The following SREBF2 variants were observed in gnomAD, a reference collection of about 807,000 sequenced individuals.
SREBF2 encodes the protein sterol regulatory element binding transcription factor 2, also known as sterol regulatory element-binding protein 2.
Under a neutral mutation model 113.1 loss-of-function variants are expected in SREBF2, and 55 were observed. That is an observed-to-expected ratio of 0.49 (90% confidence interval 0.39 to 0.61). SREBF2 has a LOEUF of 0.61. Among genes scored for constraint, SREBF2 ranks in the 20% least tolerant of loss-of-function variants. SREBF2 has a pLI of 0.00. For synonymous variants in SREBF2, 593 were observed against 605.7 expected, an observed-to-expected ratio of 0.98 and a Z score of 0.31; for missense variants, 1,349 against 1,487.4, an observed-to-expected ratio of 0.91 and a Z score of 1.53.
At chr22:41,895,770 G>T (rs1166156568) in intron 13 of SREBF2, among the ~76,000 whole-genome samples, 1 of 151,980 alleles carries the variant, frequency 6.6e-6, no homozygotes, top group Non-Finnish European at 1.5e-5. Context: ...TTTACCAAGC[G>T]GAGTCAGTAC....
In SREBF2 at chr22:41,900,192, C is replaced by T; in HGVS notation, c.2739-138C>T. The T allele has an allele frequency of 3.3e-6, 5 of 1,525,778 alleles. No homozygotes were observed. The South Asian group carries it at 6.0e-5, about 18-fold the overall frequency. 94.5% of individuals were successfully genotyped at this position (1,525,778 alleles called of 1,614,324 possible). On this transcript the variant is annotated intron_variant, in intron 15 of 18. Coordinates refer to ENST00000361204, the MANE Select transcript of SREBF2 (RefSeq NM_004599.4). ...CAGATCTGGAGCTGGTGGCATGGTGCCATAGTGGCAGCATTGGAGTCAACA... is the reference window on the plus strand; with the variant it reads ...CAGATCTGGAGCTGGTGGCATGGTGTCATAGTGGCAGCATTGGAGTCAACA...
intron 11 of SREBF2, among the ~76,000 whole-genome samples, chr22:41,889,810 G>C (rs144251645): frequency 0.025 from 3,786 of 151,996 alleles, 151 homozygotes; most frequent in African/African-American, 0.086. Context: ...AGACCAGCCT[G>C]GCCAACATGA....
intron 1 of SREBF2, among the ~76,000 whole-genome samples, chr22:41,864,326 T>A (rs542437194): frequency 0.16 from 19,592 of 120,186 alleles, 2,455 homozygotes; most frequent in Admixed American, 0.31. Context: ...TATATATATT[T>A]TTTTTTTTTT....
intron 1 of SREBF2, among the ~76,000 whole-genome samples, chr22:41,851,172 C>T (rs1352824870): frequency 1.4e-4 from 22 of 152,090 alleles, no homozygotes; most frequent in Admixed American, 1.4e-3. Flanking sequence ...AGTAATATTA[C>T]CTTCTGTACT....
chr22:41,855,172 G>T (rs572881899), intron 1 of SREBF2, among the ~76,000 whole-genome samples: 45 of 152,056 alleles, frequency 3.0e-4, no homozygotes, highest in Non-Finnish European at 6.5e-4. Context: ...AAAGGAGACT[G>T]CAAGAAACTG....
rs760740664 is a variant in SREBF2 at position 41,868,805 on chromosome 22, A to T, written c.720+13A>T. On this transcript the variant is annotated intron_variant, in intron 3 of 18. Coordinates refer to ENST00000361204, the MANE Select transcript of SREBF2 (RefSeq NM_004599.4). ...GCAGCAGGTCCCGGTAAGTGGCTGG[A>T]AAGGATTCAGGGAGGCACTGGTTGG... is the stretch of plus-strand genomic sequence containing the variant. 4 of 1,599,440 alleles carry T rather than the reference A, an allele frequency of 2.5e-6. No individual in the cohort carries two copies. The highest frequency in any genetic ancestry group is 3.4e-6 in the Non-Finnish European group (4 of 1,173,308).
chr22:41,891,298 C>G (rs369341053), intron 11 of SREBF2: 2 of 152,122 alleles, frequency 1.3e-5, no homozygotes, highest in Non-Finnish European at 2.9e-5. Flanking sequence ...GGCAGAGGGT[C>G]GCGAGGGTCC....
intron 13 of SREBF2, 143 bp from the exon 14 acceptor site, chr22:41,896,905 TAGAC>T (rs1260978983): frequency 6.3e-6 from 4 of 638,688 alleles, no homozygotes; most frequent in East Asian, 3.1e-5. Flanking sequence ...AGGGTACACA[TAGAC>T]AGCGCTTGCG....
intron 13 of SREBF2, 66 bp downstream of exon 13, chr22:41,895,003 G>A (rs2077399786): frequency 2.3e-6 from 3 of 1,277,782 alleles, no homozygotes; most frequent in African/African-American, 1.5e-5. Context: ...AGGACAGCCT[G>A]AAGGCCTGCA....
chr22:41,889,701 TAAA>T (rs67272666), intron 11 of SREBF2, among the ~76,000 whole-genome samples: 6 of 139,026 alleles, frequency 4.3e-5, no homozygotes, highest in East Asian at 2.1e-4. Context: ...ATGTCTCTAT[TAAA>T]AAAAAAAAAA....
At chr22:41,893,407 T>C in intron 12 of SREBF2, 122 bp downstream of exon 12, 1 of 959,856 alleles carries the variant, frequency 1.0e-6, no homozygotes. Flanking sequence ...AGTCCGTTTG[T>C]TTGTTTGTTT....
At chr22:41,858,558 C>T (rs1488909682) in intron 1 of SREBF2, among the ~76,000 whole-genome samples, 5 of 152,044 alleles carry the variant, frequency 3.3e-5, no homozygotes, top group Admixed American at 3.3e-4. Context: ...GCCTGGGCAA[C>T]AAAGCAAGAC....
chr22:41,858,623 C>T (rs1014083660), intron 1 of SREBF2, among the ~76,000 whole-genome samples: 15 of 151,994 alleles, frequency 9.9e-5, no homozygotes, highest in Non-Finnish European at 1.9e-4. Context: ...TGGTGTGTGC[C>T]TGTACTCCCA....
chr22:41,883,590 A>C (rs774902603), intron 10 of SREBF2, among the ~76,000 whole-genome samples: 117 of 152,024 alleles, frequency 7.7e-4, no homozygotes, highest in Non-Finnish European at 1.3e-3. Context: ...TTCCATACTC[A>C]CTGGCATTCC....
intron 10 of SREBF2, 99 bp from the exon 11 acceptor site, chr22:41,884,743 C>A: frequency 3.0e-6 from 4 of 1,319,406 alleles, no homozygotes; most frequent in Non-Finnish European, 4.4e-6. Context: ...CCTCGCTTCT[C>A]CCCTGGTTCC....
chr22:41,838,026 A>G (rs1160018949), intron 1 of SREBF2, among the ~76,000 whole-genome samples: 1 of 152,210 alleles, frequency 6.6e-6, no homozygotes, highest in East Asian at 1.9e-4. Flanking sequence ...CAGGTTTCCC[A>G]TAATAGAGTA....
chr22:41,901,296 C>G (rs2077463832), intron 16 of SREBF2, among the ~76,000 whole-genome samples: 1 of 152,190 alleles, frequency 6.6e-6, no homozygotes, highest in South Asian at 2.1e-4. Context: ...TAGATATTGT[C>G]AGTGGACCTG....
chr22:41,890,093 T>G (rs1209152215), intron 11 of SREBF2, among the ~76,000 whole-genome samples: 1 of 152,214 alleles, frequency 6.6e-6, no homozygotes, highest in Non-Finnish European at 1.5e-5. Context: ...TATTTATTTT[T>G]TGAGATACAG....
chr22:41,899,404 G>T (rs1248598408), intron 15 of SREBF2: 1 of 1,003,274 alleles, frequency 1.0e-6, no homozygotes. Flanking sequence ...TGACTCCCCG[G>T]CTGTTTCTAA....
Sources: gnomAD v4.1 joint callset for allele counts (sites outside exome capture counted in the v4.1 genomes callset) on GRCh38, gnomAD v4.1.1 for gene constraint, MANE v1.5 for transcripts, NCBI Gene and HGNC (gene_info 2026-07-23, HGNC 2026-07-21) for gene names.